The following KALRN variants were observed in gnomAD, a reference collection of about 807,000 sequenced individuals.
KALRN encodes kalirin RhoGEF kinase, also known as kalirin.
In KALRN, 70 loss-of-function variants were observed where a neutral mutation model predicts 353.7. The observed-to-expected ratio is 0.20, with a 90% confidence interval of 0.16 to 0.24. KALRN has a LOEUF of 0.24. Ranked by LOEUF, KALRN falls within the 10% of genes least tolerant of loss-of-function variation. The pLI, the probability that KALRN is intolerant of heterozygous loss-of-function variation, is 1.00. For missense variants in KALRN, 2,791 were observed against 3,756.7 expected (o/e 0.74, Z 6.72); for synonymous variants, 1,391 against 1,434.8 (o/e 0.97, Z 0.69).
chr3:124,255,904 A>T (rs1213392444), intron 3 of KALRN, among the ~76,000 whole-genome samples: 3 of 152,232 alleles, frequency 2.0e-5, no homozygotes, highest in African/African-American at 7.2e-5. Flanking sequence ...TATAAAATTG[A>T]AACTAATAAA....
At chr3:124,144,184 T>C (rs1043699987) in intron 1 of KALRN, among the ~76,000 whole-genome samples, 4 of 152,154 alleles carry the variant, frequency 2.6e-5, no homozygotes, top group Admixed American at 1.3e-4. Context: ...CAAGTCCAGC[T>C]GCTCCTCTGA....
chr3:124,549,089 C>G (rs932028118), intron 33 of KALRN, among the ~76,000 whole-genome samples: 1 of 152,172 alleles, frequency 6.6e-6, no homozygotes, highest in African/African-American at 2.4e-5. Flanking sequence ...GAACTTATAT[C>G]TTTAACATTT....
intron 33 of KALRN, among the ~76,000 whole-genome samples, chr3:124,538,177 G>A (rs1398462445): frequency 6.6e-6 from 1 of 152,184 alleles, no homozygotes; most frequent in Non-Finnish European, 1.5e-5. Context: ...TTTCAGCACA[G>A]CAGGACGATT....
At chr3:124,086,339 GTGTGTGTGTGTGTGTT>G (rs1271608155) in intron 1 of KALRN, among the ~76,000 whole-genome samples, 20 of 135,014 alleles carry the variant, frequency 1.5e-4, no homozygotes, top group African/African-American at 4.4e-4. Context: ...GTGTGTGTGT[GTGTGTGTGTGTGTGTT>G]TTTGCTGGGG....
At chr3:124,216,275 G>T (rs1420816548) in intron 1 of KALRN, among the ~76,000 whole-genome samples, 2 of 152,138 alleles carry the variant, frequency 1.3e-5, no homozygotes, top group Non-Finnish European at 2.9e-5. Context: ...GCTAAACCGT[G>T]AGTGTCATAA....
intron 1 of KALRN, among the ~76,000 whole-genome samples, chr3:124,151,278 A>T (rs752419048): frequency 6.6e-6 from 1 of 152,206 alleles, no homozygotes; most frequent in Non-Finnish European, 1.5e-5. Flanking sequence ...CAAAGCAGTT[A>T]TAATGATTTA....
chr3:124,374,661 A>G (rs1482574516), intron 10 of KALRN, among the ~76,000 whole-genome samples: 2 of 152,128 alleles, frequency 1.3e-5, no homozygotes, highest in African/African-American at 2.4e-5. Flanking sequence ...CACAAGCCCC[A>G]CAGTTTTCAG....
intron 1 of KALRN, among the ~76,000 whole-genome samples, chr3:124,190,283 C>G (rs1425977559): frequency 2.0e-5 from 3 of 152,122 alleles, no homozygotes; most frequent in Non-Finnish European, 4.4e-5. Context: ...CTCCCCTGAA[C>G]CCTTCTAGGG....
chr3:124,557,517 A>G (rs1263023490), intron 33 of KALRN, among the ~76,000 whole-genome samples: 1 of 152,112 alleles, frequency 6.6e-6, no homozygotes, highest in Admixed American at 6.6e-5. Flanking sequence ...GGGAGGAGAG[A>G]AAGACAGTTT....
intron 5 of KALRN, among the ~76,000 whole-genome samples, chr3:124,286,960 TAA>T (rs1161779326): frequency 6.6e-6 from 1 of 152,226 alleles, no homozygotes; most frequent in Non-Finnish European, 1.5e-5. Flanking sequence ...CTAAATATCT[TAA>T]AGTCTTATTC....
chr3:124,426,586 A>G (rs1210954579), intron 15 of KALRN, among the ~76,000 whole-genome samples: 1 of 152,188 alleles, frequency 6.6e-6, no homozygotes, highest in East Asian at 1.9e-4. Flanking sequence ...AACAAATGAA[A>G]TTGATTGATG....
intron 34 of KALRN, among the ~76,000 whole-genome samples, chr3:124,584,507 T>C (rs2074928575): frequency 6.6e-6 from 1 of 152,238 alleles, no homozygotes; most frequent in Non-Finnish European, 1.5e-5. Flanking sequence ...CTCCACCCGT[T>C]TGCCCCGTGC....
At chr3:124,110,469 G>GCACA (rs1553768422) in intron 1 of KALRN, among the ~76,000 whole-genome samples, 18,873 of 133,886 alleles carry the variant, frequency 0.14, 1,846 homozygotes, top group East Asian at 0.42. Context: ...ACACACGCGC[G>GCACA]CACACACACA....
chr3:124,523,284 A>G (rs543888107), intron 33 of KALRN, among the ~76,000 whole-genome samples: 2 of 152,274 alleles, frequency 1.3e-5, no homozygotes, highest in Admixed American at 1.3e-4. Flanking sequence ...TCCAGGACAT[A>G]CAGCTGCTCT....
chr3:124,258,431 T>TTCTTTGA (rs2072351431), intron 3 of KALRN, among the ~76,000 whole-genome samples: 1 of 152,164 alleles, frequency 6.6e-6, no homozygotes, highest in African/African-American at 2.4e-5. Flanking sequence ...CCTCCCTTAT[T>TTCTTTGA]TCTTTGACGT....
At chr3:124,628,374 T>C (rs866668567) in intron 34 of KALRN, among the ~76,000 whole-genome samples, 196 of 15,356 alleles carry the variant, frequency 0.013, 5 homozygotes, top group African/African-American at 0.044. Context: ...TTTCCTTCCC[T>C]CCTTCCCTCC....
In KALRN at chr3:124,462,297, A is replaced by G. The variant is rs997112756; in HGVS notation, c.3922-227A>G. 3.9e-5 allele frequency among the ~76,000 whole-genome samples: 6 copies of G among 152,230 alleles called. No homozygotes were observed. The South Asian group carries it at 6.2e-4, about 16-fold the overall frequency. On this transcript the variant is annotated intron_variant, in intron 24 of 59. Coordinates refer to ENST00000682506, the MANE Select transcript of KALRN (RefSeq NM_001388419.1). ...CCCCCATAAAAGTCCACACACATTT[A>G]ATAAATGACAAGAGACTGTGGAGTT...
chr3:124,612,018 G>A (rs991331133), intron 34 of KALRN, among the ~76,000 whole-genome samples: 1 of 152,018 alleles, frequency 6.6e-6, no homozygotes, highest in Non-Finnish European at 1.5e-5. Context: ...CCATTAGTCA[G>A]TGTTTTTTGT....
At chr3:124,123,568 T>A (rs769022319) in intron 1 of KALRN, among the ~76,000 whole-genome samples, 1 of 152,196 alleles carries the variant, frequency 6.6e-6, no homozygotes, top group Non-Finnish European at 1.5e-5. Flanking sequence ...AAGCAGCAAG[T>A]GCTGATGTAA....
Sources: allele counts gnomAD v4.1 joint callset (sites outside exome capture counted in the v4.1 genomes callset), GRCh38; gene constraint gnomAD v4.1.1; transcripts MANE v1.5; gene names NCBI Gene and HGNC (gene_info 2026-07-23, HGNC 2026-07-21).